The following ARMC8 variants were observed in gnomAD, a reference collection of about 807,000 sequenced individuals.
ARMC8 encodes armadillo repeat-containing protein 8.
A neutral mutation model predicts 99.3 loss-of-function variants in ARMC8; 20 were observed. That is an observed-to-expected ratio of 0.20 (90% CI 0.14 to 0.29). The LOEUF is 0.29. Ranked by LOEUF, ARMC8 falls within the 10% of genes least tolerant of loss-of-function variation. ARMC8 has a pLI of 1.00. For synonymous variants in ARMC8, 263 were observed against 278.3 expected, an observed-to-expected ratio of 0.95 and a Z score of 0.55; for missense variants, 569 against 809.5, an observed-to-expected ratio of 0.70 and a Z score of 3.60.
At chr3:138,237,829 A>G (rs2046409582) in intron 9 of ARMC8, among the ~76,000 whole-genome samples, 1 of 152,098 alleles carries the variant, frequency 6.6e-6, no homozygotes, top group Admixed American at 6.6e-5. Flanking sequence ...TACATCCTCA[A>G]ACTACTGTCC....
chr3:138,228,914 C>T lies in ARMC8; in HGVS notation c.436-4C>T, dbSNP rs1559956519. The T allele has an allele frequency of 1.3e-6, 2 of 1,598,384 alleles. No homozygotes were observed. The highest frequency in any genetic ancestry group is 1.7e-6 in the Non-Finnish European group (2 of 1,168,556). The stretch of plus-strand genomic sequence containing the variant: ...TTTCTTGTTGCTGTGTTCTCCTTCC[C>T]TAGGATGCCACAGTGATACCACACC... On this transcript the variant is annotated splice_region_variant and splice_polypyrimidine_tract_variant and intron_variant, in intron 5 of 21. Transcript: ENST00000469044.
In ARMC8 at chr3:138,223,661, T is replaced by A; in HGVS notation, c.363T>A (p.Phe121Leu). 1 of 1,614,216 alleles carries A rather than the reference T, an allele frequency of 6.2e-7. No individual in the cohort carries two copies. The highest frequency in any genetic ancestry group is 8.5e-7 in the Non-Finnish European group (1 of 1,180,026). Reference sequence around the variant, plus strand: ...GACTACTGTCCCCAGACCTGAAGTTTATTGAAGCTTGCCTCCGATGCCTGC... The same window carrying A: ...GACTACTGTCCCCAGACCTGAAGTTAATTGAAGCTTGCCTCCGATGCCTGC... ...LQGLLSPDLK[F>L]IEACLRCLRT... is the part of the protein sequence containing the mutation. Residue 121 changes from phenylalanine (F) to leucine (L), a missense_variant, in exon 5 of 22, where the codon TTT becomes TTA. By Grantham distance (22) the Phe-to-Leu change is conservative. Around this residue, in one of 2 missense-constraint regions of ARMC8, gnomAD observed 342 missense variants for 391.6 expected, o/e 0.87. Coordinates refer to ENST00000469044, the MANE Select transcript of ARMC8 (RefSeq NM_001363941.2).
In ARMC8 at chr3:138,264,527, C is replaced by T. The variant is rs141184456; in HGVS notation, c.1299+315C>T. Among the ~76,000 whole-genome samples the T allele has an allele frequency of 4.9e-3, 677 of 137,814 alleles. 5 individuals are homozygous for T. Among genetic ancestry groups the T allele is most frequent in the Non-Finnish European group, 7.6e-3 (505 of 66,192 alleles). 90.4% of individuals were successfully genotyped at this position (137,814 alleles called of 152,430 possible). ...CTCCACCTCCCCGGTTCAAGCGATT[C>T]TTCTGCCTCAGCCTCTCTAGTAGCT... is the stretch of plus-strand genomic sequence containing the variant. On this transcript the variant is annotated intron_variant, in intron 14 of 21. Coordinates refer to ENST00000469044, the MANE Select transcript of ARMC8 (RefSeq NM_001363941.2).
chr3:138,295,212 T>C (rs189448972), intron 21 of ARMC8, among the ~76,000 whole-genome samples: 111 of 152,292 alleles, frequency 7.3e-4, no homozygotes, highest in Non-Finnish European at 1.1e-3. Context: ...ATTCTATCTT[T>C]TCCTTTCCAC....
intron 21 of ARMC8, among the ~76,000 whole-genome samples, chr3:138,292,002 G>T (rs966506802): frequency 2.0e-5 from 3 of 152,070 alleles, no homozygotes; most frequent in African/African-American, 7.2e-5. Flanking sequence ...TATCTGATTT[G>T]AATTCCTTTT....
At chr3:138,221,886 C>T (rs1243482240) in intron 2 of ARMC8, 40 bp from the exon 3 acceptor site, 3 of 1,459,512 alleles carry the variant, frequency 2.1e-6, no homozygotes, top group Non-Finnish European at 2.9e-6. Context: ...TTCTTCAGTG[C>T]TGTCTCAACA....
intron 7 of ARMC8, 74 bp downstream of exon 7, chr3:138,235,188 A>G: frequency 9.6e-7 from 1 of 1,046,536 alleles, no homozygotes; most frequent in East Asian, 2.5e-5. Flanking sequence ...ACATATTTTT[A>G]TTGTTTCTTT....
At chr3:138,189,736 A>G (rs1206505886) in intron 1 of ARMC8, among the ~76,000 whole-genome samples, 1 of 152,168 alleles carries the variant, frequency 6.6e-6, no homozygotes, top group Non-Finnish European at 1.5e-5. Flanking sequence ...AATCTCATTG[A>G]TTTTCCTGTA....
intron 1 of ARMC8, among the ~76,000 whole-genome samples, chr3:138,195,030 T>G (rs2043634285): frequency 6.6e-6 from 1 of 152,004 alleles, no homozygotes; most frequent in South Asian, 2.1e-4. Flanking sequence ...ATCCTAGCAT[T>G]TTGGGAGGCT....
chr3:138,246,142 C>T (rs953310294), intron 12 of ARMC8: 8 of 985,448 alleles, frequency 8.1e-6, no homozygotes, highest in East Asian at 1.1e-4. Context: ...AACAACCTTA[C>T]ATTTGTTGAA....
chr3:138,219,303 A>C (rs1265423332), intron 2 of ARMC8, among the ~76,000 whole-genome samples: 1 of 152,226 alleles, frequency 6.6e-6, no homozygotes, highest in East Asian at 1.9e-4. Flanking sequence ...GAATCACTAT[A>C]AATAATGATC....
chr3:138,277,539 C>A (rs990252122), intron 18 of ARMC8, among the ~76,000 whole-genome samples: 12 of 152,052 alleles, frequency 7.9e-5, no homozygotes, highest in Non-Finnish European at 1.8e-4. Context: ...GAAGAATTCT[C>A]AAAACAACAA....
At chr3:138,260,933 ATCACTTCTCATTCTT>A (rs2047683961) in intron 12 of ARMC8, among the ~76,000 whole-genome samples, 1 of 152,218 alleles carries the variant, frequency 6.6e-6, no homozygotes, top group Non-Finnish European at 1.5e-5. Flanking sequence ...CTCCCAAGTT[ATCACTTCTCATTCTT>A]AAGTAAAAAT....
Position 138,237,339 on chromosome 3 carries a change from G to A in ARMC8, c.640G>A (p.Val214Ile), listed in dbSNP as rs764124674. ...AATGCAAGCACTGAAATGTTTCTCA[G>A]TTTTAGCTTTTGAAAACCCCCAGGT... The part of the protein sequence containing the change: ...VRMQALKCFS[V>I]LAFENPQVSM... Residue 214 changes from valine (V) to isoleucine (I), a missense_variant, in exon 8 of 22, where the codon GTT becomes ATT. Val to Ile is a conservative substitution (Grantham distance 29, BLOSUM62 3). Around this residue, in one of 2 missense-constraint regions of ARMC8, gnomAD observed 342 missense variants for 391.6 expected, o/e 0.87. Transcript: ENST00000469044. 4 of 1,613,634 alleles carry A rather than the reference G, an allele frequency of 2.5e-6. No homozygotes were observed. The South Asian group carries it at 4.4e-5, about 18-fold the overall frequency.
chr3:138,294,447 C>G (rs927169602), intron 21 of ARMC8, among the ~76,000 whole-genome samples: 5 of 152,158 alleles, frequency 3.3e-5, no homozygotes, highest in Admixed American at 3.3e-4. Context: ...TTGTAGAACC[C>G]TACTTGCTCA....
chr3:138,256,353 T>C lies in ARMC8; in HGVS notation c.1135-7386T>C, dbSNP rs191573577. On this transcript the variant is annotated intron_variant, in intron 12 of 21. Coordinates refer to ENST00000469044, the MANE Select transcript of ARMC8 (RefSeq NM_001363941.2). ...CAACCAAAGCTGAATCATTGATTTG[T>C]CATTTTCTCTCTGGGAGGTCCTGTA... is the stretch of plus-strand genomic sequence containing the variant. 3.7e-4 allele frequency among the ~76,000 whole-genome samples: 56 copies of C among 151,826 alleles called. No individual in the cohort carries two copies. In the East Asian group the frequency reaches 0.011, roughly 29 times the overall value.
Position 138,223,507 on chromosome 3 carries a change from C to T in ARMC8, c.313C>T (p.His105Tyr), listed in dbSNP as rs2045516355. ...CAATGTCAAGTCTCTACTGGACTGC[C>T]ATATTATCCCTGCCTTATTGCAAGG... ...ENNVKSLLDC[H>Y]IIPALLQGLL... is the part of the protein sequence containing the mutation. The change falls in exon 4 of 22, where the codon CAT (histidine) becomes TAT (tyrosine). Residue 105 changes from histidine to tyrosine, a missense_variant. His to Tyr is a moderately conservative substitution (Grantham distance 83). Around this residue, in one of 2 missense-constraint regions of ARMC8, gnomAD observed 342 missense variants for 391.6 expected, o/e 0.87. Coordinates refer to ENST00000469044, the MANE Select transcript of ARMC8 (RefSeq NM_001363941.2). 6.2e-7 allele frequency: 1 copy of T among 1,614,058 alleles called. No individual in the cohort carries two copies. The highest frequency in any genetic ancestry group is 8.5e-7 in the Non-Finnish European group (1 of 1,180,040).
At chr3:138,246,436 T>C (rs1022604016) in intron 12 of ARMC8, 2 of 985,472 alleles carry the variant, frequency 2.0e-6, no homozygotes, top group Middle Eastern at 5.2e-4. Context: ...TTGACGCCAA[T>C]GTTCAGTTTG....
intron 1 of ARMC8, among the ~76,000 whole-genome samples, chr3:138,199,955 T>C (rs2043954961): frequency 6.6e-6 from 1 of 152,178 alleles, no homozygotes; most frequent in Non-Finnish European, 1.5e-5. Flanking sequence ...CACATTGTTT[T>C]AGGGATAGAA....
Sources: allele counts gnomAD v4.1 joint callset (sites outside exome capture counted in the v4.1 genomes callset), GRCh38; gene constraint gnomAD v4.1.1; regional missense constraint gnomAD v4.1.1; transcripts MANE v1.5; gene names NCBI Gene and HGNC (gene_info 2026-07-23, HGNC 2026-07-21).